Variants in MYBL2 observed in about 807,000 individuals in gnomAD.
The protein encoded by MYBL2 is MYB proto-oncogene like 2.
A neutral mutation model predicts 79.9 loss-of-function variants in MYBL2; 28 were observed. The ratio of observed to expected loss-of-function variants is 0.35; its 90% CI spans 0.26 to 0.48. The LOEUF is 0.48. MYBL2 is among the 20% of genes least tolerant of loss of function. MYBL2 has a pLI of 0.99. For synonymous variants in MYBL2, 378 were observed against 361.2 expected (o/e 1.05, Z -0.53); for missense variants, 735 against 893.9 (o/e 0.82, Z 2.27).
At chr20:43,710,949 T>C (rs1987891092) in intron 10 of MYBL2, among the ~76,000 whole-genome samples, 1 of 152,154 alleles carries the variant, frequency 6.6e-6, no homozygotes, top group Admixed American at 6.5e-5. Flanking sequence ...TGTGGGGGCT[T>C]TTCGGATGAC....
chr20:43,681,712 G>T, intron 2 of MYBL2, 72 bp from the exon 3 acceptor site: 2 of 1,476,472 alleles, frequency 1.4e-6, no homozygotes, highest in Non-Finnish European at 9.5e-7. Flanking sequence ...TTTAGATTGG[G>T]CTCTGTCACG....
intron 1 of MYBL2, among the ~76,000 whole-genome samples, chr20:43,669,055 G>GGT (rs968068783): frequency 1.3e-5 from 2 of 152,162 alleles, no homozygotes; most frequent in Non-Finnish European, 2.9e-5. Context: ...AGTAGAGATG[G>GGT]GTTTCACTGT....
rs1309001655 is a variant in MYBL2, at chr20:43,715,400, C to T, written c.1974+117C>T. Reference sequence around the variant, plus strand: ...CCGCCTTCTTAGCTCAGGGCCTTTGCATAGGCTGTTCCTCTGCCTGGGTGC... The same window carrying T: ...CCGCCTTCTTAGCTCAGGGCCTTTGTATAGGCTGTTCCTCTGCCTGGGTGC... On this transcript the variant is annotated intron_variant, in intron 13 of 13. Coordinates refer to ENST00000217026, the MANE Select transcript of MYBL2 (RefSeq NM_002466.4). 29 of 1,502,838 alleles carry T rather than the reference C, an allele frequency of 1.9e-5. No homozygotes were observed. The Admixed American group carries it at 2.7e-4, about 14-fold the overall frequency. The allele number at this position is 1,502,838 out of a possible 1,614,324, so 93.1% of individuals were successfully genotyped here. A position where few individuals can be genotyped will look rare whatever the true frequency, so the allele number is the denominator to read the frequency against.
chr20:43,669,456 C>A (rs1986808652), intron 1 of MYBL2, among the ~76,000 whole-genome samples: 1 of 152,224 alleles, frequency 6.6e-6, no homozygotes, highest in African/African-American at 2.4e-5. Context: ...CATTTCCTGG[C>A]CACTTGCTGT....
chr20:43,683,550 CATTTTT>C (rs1237032213), intron 4 of MYBL2, among the ~76,000 whole-genome samples: 3 of 126,446 alleles, frequency 2.4e-5, no homozygotes, highest in Non-Finnish European at 5.0e-5. Flanking sequence ...GGGAACTAGG[CATTTTT>C]TTTTTTTTTT....
Position 43,690,245 on chromosome 20 carries a change from G to A in MYBL2, c.501-1912G>A, listed in dbSNP as rs1987375833. On this transcript the variant is annotated intron_variant, in intron 5 of 13. Coordinates refer to ENST00000217026, the MANE Select transcript of MYBL2 (RefSeq NM_002466.4). ...TTTTGAGACGGAGTCTTGCTCTGTC[G>A]CCCAGGCTGGAGTGCAGTGGCGTGA... 1.3e-5 allele frequency among the ~76,000 whole-genome samples: 2 copies of A among 150,070 alleles called. 1 individual carries two copies.
intron 2 of MYBL2, among the ~76,000 whole-genome samples, chr20:43,674,728 CA>C (rs1986964837): frequency 1.3e-5 from 2 of 151,716 alleles, no homozygotes; most frequent in African/African-American, 4.8e-5. Flanking sequence ...GACGGAGTTT[CA>C]CCATGTTGGC....
Position 43,667,316 on chromosome 20 carries a change from G to A in MYBL2, c.20+13G>A. The A allele has an allele frequency of 1.6e-6, 2 of 1,229,848 alleles. No individual in the cohort carries two copies. The highest frequency in any genetic ancestry group is 1.0e-6 in the Non-Finnish European group (1 of 984,980). The allele number at this position is 1,229,848 out of a possible 1,614,324, so 76.2% of individuals were successfully genotyped here. The stretch of plus-strand genomic sequence containing the variant: ...GGCGGACGCGCTGGTGAGACGAGCC[G>A]GGAGGGCTTGGGCCCCTCCCCCTCC... On this transcript the variant is annotated intron_variant, in intron 1 of 13. Coordinates refer to ENST00000217026, the MANE Select transcript of MYBL2 (RefSeq NM_002466.4).
rs1379426538 is a variant in MYBL2 at position 43,711,366 on chromosome 20, C to T, written c.1606-122C>T. ...GGTGCGTGTGAGATCTGCATCCTGG[C>T]GTCAGGCCTCCTTCCTGCCTTACCC... On this transcript the variant is annotated intron_variant, in intron 10 of 13. Transcript: ENST00000217026. The T allele has an allele frequency of 3.8e-5, 25 of 656,480 alleles. 2 individuals carry two copies. Among genetic ancestry groups the T allele is most frequent in the South Asian group, 1.5e-4 (8 of 53,760 alleles). The allele number at this position is 656,480 out of a possible 1,614,324, so 40.7% of individuals were successfully genotyped here.
In MYBL2 at chr20:43,674,783, C is replaced by T. The variant is rs890889474; in HGVS notation, c.114+884C>T. On this transcript the variant is annotated intron_variant, in intron 2 of 13. Coordinates refer to ENST00000217026, the MANE Select transcript of MYBL2 (RefSeq NM_002466.4). ...CTGACCCCAGGTGATCCACCTGCCT[C>T]GGCCTCCCAAAGTGCTGGGATTACA... Among the ~76,000 whole-genome samples, 12 of 152,100 alleles carry T rather than the reference C, an allele frequency of 7.9e-5. 1 individual carries two copies. In the East Asian group the frequency reaches 9.6e-4, roughly 12 times the overall value.
chr20:43,692,058 T>G (rs547086263), intron 5 of MYBL2, 99 bp from the exon 6 acceptor site: 5 of 1,142,142 alleles, frequency 4.4e-6, no homozygotes, highest in South Asian at 1.5e-5. Context: ...GAAGATTCAT[T>G]TACAGGAGCA....
intron 9 of MYBL2, among the ~76,000 whole-genome samples, chr20:43,708,796 T>C (rs1321708675): frequency 6.6e-6 from 1 of 152,226 alleles, no homozygotes; most frequent in African/African-American, 2.4e-5. Context: ...TTTTCTCATG[T>C]TCCTCAGAAA....
intron 8 of MYBL2, among the ~76,000 whole-genome samples, chr20:43,704,612 G>A (rs1205674900): frequency 1.3e-5 from 2 of 152,138 alleles, no homozygotes; most frequent in South Asian, 2.1e-4. Context: ...GGAAGAGAGC[G>A]GGGTGCTTCA....
chr20:43,693,204 G>T (rs1987454166), intron 6 of MYBL2, among the ~76,000 whole-genome samples: 2 of 152,038 alleles, frequency 1.3e-5, no homozygotes, highest in African/African-American at 4.8e-5. Context: ...ACTAATTTTT[G>T]CATTTTTAGT....
At position 43,687,056 on chromosome 20, in the gene MYBL2, A is replaced by T. The variant is rs1215801554; in HGVS notation, c.484A>T (p.Lys162Ter). The change falls in exon 5 of 14, where the codon AAG (lysine) becomes TAG (stop). Residue 162 changes from lysine (K) to a stop codon, truncating the protein, a stop_gained. Transcript: ENST00000217026. LOFTEE classifies it high-confidence loss of function. ...VLGNRWAEIA[K>*]MLPGRTDNAV... ...GGGCAACCGCTGGGCCGAGATCGCC[A>T]AGATGTTGCCAGGGAGGTAAGCTGT... 6.2e-7 allele frequency: 1 copy of T among 1,612,868 alleles called. No individual in the cohort carries two copies. The highest frequency in any genetic ancestry group is 1.7e-5 in the Admixed American group (1 of 59,998).
intron 9 of MYBL2, among the ~76,000 whole-genome samples, chr20:43,709,753 C>T (rs919062670): frequency 1.3e-5 from 2 of 152,234 alleles, no homozygotes; most frequent in Admixed American, 1.3e-4. Context: ...TATCTGCCAC[C>T]TGTCTGGGGC....
At chr20:43,693,636 C>G (rs982981526) in intron 6 of MYBL2, among the ~76,000 whole-genome samples, 14 of 152,268 alleles carry the variant, frequency 9.2e-5, no homozygotes, top group African/African-American at 3.4e-4. Context: ...CATGCCCCAG[C>G]TACATTTGCA....
chr20:43,694,224 C>G (rs772838487), intron 6 of MYBL2, among the ~76,000 whole-genome samples: 1 of 150,788 alleles, frequency 6.6e-6, no homozygotes. Context: ...CCCAGCTACC[C>G]AGGAGGCTGA....
chr20:43,676,299 C>G (rs1987008418), intron 2 of MYBL2, among the ~76,000 whole-genome samples: 2 of 141,004 alleles, frequency 1.4e-5, no homozygotes, highest in African/African-American at 5.1e-5. Context: ...AGGCCCTGGT[C>G]TCCTTGTTCC....
Sources: gnomAD v4.1 joint callset for allele counts (sites outside exome capture counted in the v4.1 genomes callset) on GRCh38, gnomAD v4.1.1 for gene constraint, MANE v1.5 for transcripts, NCBI Gene and HGNC (gene_info 2026-07-23, HGNC 2026-07-21) for gene names.